The following MBD3L1 variants were observed in gnomAD, a reference collection of about 807,000 sequenced individuals.
MBD3L1 encodes the protein methyl-CpG-binding domain protein 3-like 1.
For synonymous variants in MBD3L1, 84 were observed against 85.1 expected (o/e 0.99, Z 0.07); for missense variants, 203 against 230.1 (o/e 0.88, Z 0.76).
Position 8,843,034 on chromosome 19 carries a change from T to TGCCCCAC in MBD3L1, c.357_363dup (p.Leu122AlafsTer32). On this transcript the variant is annotated frameshift_variant, in exon 3 of 3. Transcript: ENST00000595891. LOFTEE classifies it low-confidence loss of function (END_TRUNC). ...AGTGGTCTGGAGCACTCCTGCCCCA[T>TGCCCCAC]GCCCCACCTTGCCTGCTCTTCAGAT... The TGCCCCAC allele has an allele frequency of 6.2e-7, 1 of 1,614,172 alleles. No individual in the cohort carries two copies. The highest frequency in any genetic ancestry group is 1.1e-5 in the South Asian group (1 of 91,078).
chr19:8,842,708 T>C lies in MBD3L1; in HGVS notation c.30T>C (p.Arg10=). Residue 10 remains arginine (R), a synonymous_variant, in exon 3 of 3, where the codon CGT becomes CGC. Transcript: ENST00000595891. The stretch of plus-strand genomic sequence containing the variant: ...CCAAGAGTTCACAGAGGAAGCAACG[T>C]GACTGTGTAAACCAATGCAAATCAA... MAKSSQRKQ[R]DCVNQCKSKP... 6.2e-7 allele frequency: 1 copy of C among 1,614,178 alleles called. No homozygotes were observed. The highest frequency in any genetic ancestry group is 8.5e-7 in the Non-Finnish European group (1 of 1,180,018).
chr19:8,840,179 G>A (rs1332482806), intron 1 of MBD3L1, among the ~76,000 whole-genome samples: 5 of 137,372 alleles, frequency 3.6e-5, no homozygotes, highest in East Asian at 2.2e-4. Context: ...GCGGGACTCC[G>A]TCTCAAAAAA....
chr19:8,834,689 T>C lies in MBD3L1; in HGVS notation c.-107+2167T>C, dbSNP rs370054768. Among the ~76,000 whole-genome samples the C allele has an allele frequency of 3.4e-5, 5 of 148,882 alleles. No homozygotes were observed. The East Asian group carries it at 7.8e-4, about 23-fold the overall frequency. Reference sequence around the variant, plus strand: ...ACAAACAAAAAACAGAGAATGAAATTGGACCTCTACTTCACACCATGTACA... The same window carrying C: ...ACAAACAAAAAACAGAGAATGAAATCGGACCTCTACTTCACACCATGTACA... On this transcript the variant is annotated intron_variant, in intron 1 of 2. Coordinates refer to ENST00000595891, the MANE Select transcript of MBD3L1 (RefSeq NM_001393532.1).
intron 1 of MBD3L1, among the ~76,000 whole-genome samples, chr19:8,834,019 A>G (rs771978345): frequency 6.6e-6 from 1 of 152,058 alleles, no homozygotes; most frequent in Non-Finnish European, 1.5e-5. Flanking sequence ...ACCAAAAACC[A>G]TAAACAAAAA....
intron 1 of MBD3L1, among the ~76,000 whole-genome samples, chr19:8,833,979 C>T (rs1028152261): frequency 1.3e-5 from 2 of 149,850 alleles, no homozygotes; most frequent in African/African-American, 2.4e-5. Context: ...ACGAGCAAGA[C>T]TCCATCTCAA....
At chr19:8,838,908 C>T (rs754531468) in intron 1 of MBD3L1, among the ~76,000 whole-genome samples, 3 of 152,052 alleles carry the variant, frequency 2.0e-5, no homozygotes, top group Non-Finnish European at 2.9e-5. Flanking sequence ...ATGTGCAGAC[C>T]GAGGTCTTTT....
At chr19:8,840,557 A>G (rs1349270712) in intron 1 of MBD3L1, among the ~76,000 whole-genome samples, 1 of 152,174 alleles carries the variant, frequency 6.6e-6, no homozygotes, top group Non-Finnish European at 1.5e-5. Context: ...CTCCCGCCTC[A>G]GCCTACCAAA....
At chr19:8,841,412 C>T (rs895171561) in intron 2 of MBD3L1, among the ~76,000 whole-genome samples, 2 of 152,086 alleles carry the variant, frequency 1.3e-5, no homozygotes, top group Admixed American at 1.3e-4. Context: ...GGTGAAGATA[C>T]GGAGGTCCGG....
At chr19:8,840,845 A>C (rs2044504870) in intron 1 of MBD3L1, 70 bp from the exon 2 acceptor site, 1 of 152,130 alleles carries the variant, frequency 6.6e-6, no homozygotes, top group African/African-American at 2.4e-5. Context: ...GATTCTTCCC[A>C]GTTGATGGAG....
intron 1 of MBD3L1, among the ~76,000 whole-genome samples, chr19:8,836,994 C>T (rs1475363362): frequency 6.6e-6 from 1 of 152,178 alleles, no homozygotes; most frequent in African/African-American, 2.4e-5. Flanking sequence ...TTTACAAATA[C>T]ATACAACTGC....
At chr19:8,832,808 A>G (rs2044395165) in intron 1 of MBD3L1, among the ~76,000 whole-genome samples, 1 of 145,314 alleles carries the variant, frequency 6.9e-6, no homozygotes, top group Non-Finnish European at 1.5e-5. Flanking sequence ...GGCGGGGCTG[A>G]GCGGGAACCA....
At chr19:8,836,333 C>T (rs1219639652) in intron 1 of MBD3L1, among the ~76,000 whole-genome samples, 1 of 151,674 alleles carries the variant, frequency 6.6e-6, no homozygotes, top group Non-Finnish European at 1.5e-5. Flanking sequence ...AATGTGAGTT[C>T]TTCTCTTCTT....
At chr19:8,834,647 A>T (rs1164698207) in intron 1 of MBD3L1, among the ~76,000 whole-genome samples, 1 of 151,780 alleles carries the variant, frequency 6.6e-6, no homozygotes, top group Non-Finnish European at 1.5e-5. Context: ...ACAAAAAAAA[A>T]ACCAACCAAC....
Position 8,843,257 on chromosome 19 carries a change from A to G in MBD3L1, c.579A>G (p.Lys193=), listed in dbSNP as rs2044531994. The change falls in exon 3 of 3, where the codon AAA becomes AAG. Residue 193 remains lysine, a synonymous_variant. Coordinates refer to ENST00000595891, the MANE Select transcript of MBD3L1 (RefSeq NM_001393532.1). ...KVRDQEGRPE[K]R Reference sequence around the variant, plus strand: ...GAGACCAAGAAGGCCGTCCTGAAAAACGCTAAGAAAAAAAGGGAAGATAGT... The same window carrying G: ...GAGACCAAGAAGGCCGTCCTGAAAAGCGCTAAGAAAAAAAGGGAAGATAGT... 2 of 1,568,724 alleles carry G rather than the reference A, an allele frequency of 1.3e-6. No individual in the cohort carries two copies. Among genetic ancestry groups the G allele is most frequent in the Non-Finnish European group, 1.7e-6 (2 of 1,159,840 alleles).
rs1369971298 is a variant in MBD3L1 at position 8,843,213 on chromosome 19, A to G, written c.535A>G (p.Asn179Asp). Residue 179 changes from asparagine (N) to aspartate (D), a missense_variant, in exon 3 of 3, where the codon AAT (asparagine) becomes GAT (aspartate). By Grantham distance (23) the Asn-to-Asp change is conservative. Transcript: ENST00000595891. ...AGCACTGATTGCGGATGGACTCGCTAATGAGGCAGAGAAAGTGAGAGACCA... is the reference window on the plus strand; with the variant it reads ...AGCACTGATTGCGGATGGACTCGCTGATGAGGCAGAGAAAGTGAGAGACCA... ...AIALIADGLA[N>D]EAEKVRDQEG... is the part of the protein sequence containing the mutation. 6.2e-7 allele frequency: 1 copy of G among 1,610,614 alleles called. No individual in the cohort carries two copies. The highest frequency in any genetic ancestry group is 1.7e-5 in the Admixed American group (1 of 59,560).
At chr19:8,841,314 G>C (rs1222887523) in intron 2 of MBD3L1, among the ~76,000 whole-genome samples, 1 of 151,328 alleles carries the variant, frequency 6.6e-6, no homozygotes, top group Non-Finnish European at 1.5e-5. Flanking sequence ...TTACAGGCGT[G>C]GAGCCACCGT....
chr19:8,842,521 G>A (rs1431160383), intron 2 of MBD3L1, 137 bp from the exon 3 acceptor site: 7 of 617,688 alleles, frequency 1.1e-5, no homozygotes, highest in Non-Finnish European at 2.0e-5. Context: ...TCTGCCTGAT[G>A]ATGTCCCAGG....
intron 1 of MBD3L1, among the ~76,000 whole-genome samples, chr19:8,839,786 G>A (rs1276446794): frequency 6.6e-6 from 1 of 152,170 alleles, no homozygotes; most frequent in East Asian, 1.9e-4. Context: ...AAGGGGAAGG[G>A]ATAGGCAGTA....
chr19:8,839,245 C>T (rs1217648156), intron 1 of MBD3L1, among the ~76,000 whole-genome samples: 7 of 136,396 alleles, frequency 5.1e-5, no homozygotes, highest in Non-Finnish European at 4.5e-5. Context: ...AGTGCAGTGG[C>T]GCCATCTCGG....
Sources: gnomAD v4.1 joint callset for allele counts (sites outside exome capture counted in the v4.1 genomes callset) on GRCh38, gnomAD v4.1.1 for gene constraint, MANE v1.5 for transcripts, NCBI Gene and HGNC (gene_info 2026-07-23, HGNC 2026-07-21) for gene names.